Variants in TFEC observed in about 807,000 individuals in gnomAD.
TFEC encodes the protein class E basic helix-loop-helix protein 34.
TFEC carries 31 observed loss-of-function variants against 41.6 expected under a neutral mutation model. The observed-to-expected ratio is 0.74, with a 90% CI of 0.56 to 1.01. The LOEUF (loss-of-function observed/expected upper bound fraction) is 1.01, where lower values mean the gene tolerates loss of function less well. Ranked by LOEUF, TFEC falls within the 50% of genes least tolerant of loss-of-function variation. TFEC has a pLI of 0.00. For missense variants in TFEC, 402 were observed against 404.1 expected (o/e 0.99, Z 0.04); for synonymous variants, 143 against 140.6 (o/e 1.02, Z -0.12).
chr7:116,110,558 T>C, intron 3 of TFEC: 1 of 465,184 alleles, frequency 2.1e-6, no homozygotes, highest in East Asian at 3.5e-5. Flanking sequence ...GTAAATTGTA[T>C]CCACTTACTG....
At chr7:116,031,139 A>AT (rs891369178), upstream of TFEC, among the ~76,000 whole-genome samples, 14 of 149,630 alleles carry the variant, frequency 9.4e-5, no homozygotes, top group African/African-American at 2.0e-4. Flanking sequence ...GACCTGCATC[A>AT]TTTTTTTTTC....
chr7:115,956,639 A>T, intron 4 of TFEC, 40 bp downstream of exon 4: 1 of 1,430,008 alleles, frequency 7.0e-7, no homozygotes, highest in Non-Finnish European at 9.7e-7. Flanking sequence ...TTATGTCATT[A>T]ATAAAAATAA....
intron 2 of TFEC, among the ~76,000 whole-genome samples, chr7:115,983,527 G>GA (rs1051701304): frequency 6.6e-6 from 1 of 151,746 alleles, no homozygotes; most frequent in African/African-American, 2.4e-5. Flanking sequence ...AAATCTAATG[G>GA]AAAAAAAGAA....
intron 3 of TFEC, among the ~76,000 whole-genome samples, chr7:116,064,199 T>G (rs955845338): frequency 1.3e-5 from 2 of 152,086 alleles, no homozygotes; most frequent in African/African-American, 4.8e-5. Context: ...TGTACTATAT[T>G]GTTAAAAATC....
chr7:115,957,466 G>T (rs1047007057), intron 3 of TFEC, among the ~76,000 whole-genome samples: 1 of 151,756 alleles, frequency 6.6e-6, no homozygotes, highest in Non-Finnish European at 1.5e-5. Flanking sequence ...TGCTTCTTGG[G>T]AACAATTTTT....
chr7:116,000,368 A>C (rs570551284), intron 1 of TFEC, among the ~76,000 whole-genome samples: 1 of 152,164 alleles, frequency 6.6e-6, no homozygotes, highest in African/African-American at 2.4e-5. Context: ...GCAGGAAAAA[A>C]ACTGAAATCC....
chr7:116,019,818 T>A (rs1445421484), intron 1 of TFEC, among the ~76,000 whole-genome samples: 1 of 152,204 alleles, frequency 6.6e-6, no homozygotes, highest in East Asian at 1.9e-4. Context: ...ATGATTAGAA[T>A]TCCTTATTTG....
At chr7:115,963,275 C>T (rs1220176542) in intron 3 of TFEC, among the ~76,000 whole-genome samples, 1 of 151,722 alleles carries the variant, frequency 6.6e-6, no homozygotes. Context: ...TCAAAGCTAC[C>T]ATGTAATACT....
chr7:115,940,793 A>G lies in TFEC; in HGVS notation c.802T>C (p.Ser268Pro). ...CAGAGCTCAGGGCTTGGCCCCTGAG[A>G]CACAGTCAGTTGTTGGCAATAGTCT... The part of the protein sequence containing the change: ...SVDYCQQLTV[S>P]QGPSPELCDQ... Residue 268 changes from serine (S) to proline (P), a missense_variant, in exon 8 of 8, where the codon TCT becomes CCT. Physicochemically the swap from Ser to Pro is moderately conservative, Grantham distance 74 (BLOSUM62 -1). Coordinates refer to ENST00000265440, the MANE Select transcript of TFEC (RefSeq NM_012252.4). 1 of 1,613,552 alleles carries G rather than the reference A, an allele frequency of 6.2e-7. No individual in the cohort carries two copies. Among genetic ancestry groups the G allele is most frequent in the Non-Finnish European group, 8.5e-7 (1 of 1,179,626 alleles).
intron 3 of TFEC, among the ~76,000 whole-genome samples, chr7:115,961,620 G>GA (rs1380199226): frequency 1.3e-5 from 2 of 150,978 alleles, no homozygotes; most frequent in African/African-American, 2.4e-5. Flanking sequence ...GTTTTTGTTT[G>GA]AAAAAAAATT....
At chr7:115,993,460 A>G (rs1340723427) in intron 1 of TFEC, among the ~76,000 whole-genome samples, 1 of 152,214 alleles carries the variant, frequency 6.6e-6, no homozygotes, top group African/African-American at 2.4e-5. Context: ...AGAAAACCCC[A>G]TCATCTCAGC....
chr7:116,081,044 C>T (rs941464911), intron 3 of TFEC, among the ~76,000 whole-genome samples: 3 of 146,848 alleles, frequency 2.0e-5, no homozygotes, highest in African/African-American at 7.6e-5. Context: ...TACTACTCAG[C>T]CATAAAAATG....
At chr7:116,045,080 G>A (rs1796132053) in intron 3 of TFEC, among the ~76,000 whole-genome samples, 1 of 152,172 alleles carries the variant, frequency 6.6e-6, no homozygotes, top group Admixed American at 6.5e-5. Context: ...CTTTGGAACT[G>A]GTTAACAGGC....
At chr7:115,989,664 G>A (rs925143571) in intron 1 of TFEC, among the ~76,000 whole-genome samples, 6 of 152,208 alleles carry the variant, frequency 3.9e-5, no homozygotes, top group Admixed American at 2.0e-4. Context: ...AGGCGGCAGC[G>A]AGGCTTGGGG....
chr7:116,156,700 A>G (rs539580848), intron 1 of TFEC, among the ~76,000 whole-genome samples: 3 of 152,182 alleles, frequency 2.0e-5, no homozygotes, highest in Non-Finnish European at 4.4e-5. Flanking sequence ...GCCATCTTCC[A>G]TATCAATGTT....
chr7:116,127,528 G>T (rs1240852180), intron 1 of TFEC, among the ~76,000 whole-genome samples: 1 of 151,976 alleles, frequency 6.6e-6, no homozygotes, highest in Non-Finnish European at 1.5e-5. Context: ...TTTAGCAAAT[G>T]TATTTACCTC....
intron 2 of TFEC, chr7:116,111,888 A>G: frequency 4.4e-6 from 2 of 457,250 alleles, no homozygotes; most frequent in African/African-American, 2.1e-5. Context: ...TTTAGTGTTT[A>G]TAAGATATCA....
At chr7:115,961,128 G>C (rs1467344609) in intron 3 of TFEC, among the ~76,000 whole-genome samples, 1 of 151,604 alleles carries the variant, frequency 6.6e-6, no homozygotes, top group Non-Finnish European at 1.5e-5. Flanking sequence ...ACAGAAGACT[G>C]GAACAATAAA....
chr7:116,154,419 T>G (rs942407209), intron 1 of TFEC, among the ~76,000 whole-genome samples: 1 of 152,158 alleles, frequency 6.6e-6, no homozygotes, highest in African/African-American at 2.4e-5. Context: ...GTAACTAACA[T>G]GTACTCCTTC....
Sources: gnomAD v4.1 joint callset for allele counts (sites outside exome capture counted in the v4.1 genomes callset) on GRCh38, gnomAD v4.1.1 for gene constraint, MANE v1.5 for transcripts, NCBI Gene and HGNC (gene_info 2026-07-23, HGNC 2026-07-21) for gene names.